Variants in MBNL2 observed in about 807,000 individuals in gnomAD.
MBNL2 encodes the protein muscleblind like splicing regulator 2, also known as muscleblind-like protein 2.
Under a neutral mutation model 41.9 loss-of-function variants are expected in MBNL2, and 17 were observed. The ratio of observed to expected loss-of-function variants is 0.41; its 90% CI spans 0.28 to 0.61. MBNL2 has a LOEUF of 0.61. Among genes scored for constraint, MBNL2 ranks in the 20% least tolerant of loss-of-function variants. MBNL2 has a pLI of 0.35. For missense variants in MBNL2, 336 were observed against 505.6 expected, an observed-to-expected ratio of 0.66 and a Z score of 3.22; for synonymous variants, 195 against 182.9, an observed-to-expected ratio of 1.07 and a Z score of -0.53.
At chr13:97,232,890 T>TGTGTGTGTGTGC (rs1491513676) in intron 1 of MBNL2, among the ~76,000 whole-genome samples, 62 of 134,568 alleles carry the variant, frequency 4.6e-4, no homozygotes, top group South Asian at 4.3e-3. Flanking sequence ...TGTGTGTGTG[T>TGTGTGTGTGTGC]GCGCACGTAC....
intron 2 of MBNL2, among the ~76,000 whole-genome samples, chr13:97,284,384 T>C (rs991562617): frequency 5.9e-5 from 9 of 152,178 alleles, no homozygotes; most frequent in Non-Finnish European, 1.5e-5. Flanking sequence ...CTCCAATCTC[T>C]ACCTGCCTCT....
intron 2 of MBNL2, among the ~76,000 whole-genome samples, chr13:97,295,449 A>C (rs971640197): frequency 6.6e-6 from 1 of 152,182 alleles, no homozygotes; most frequent in South Asian, 2.1e-4. Context: ...TTGGTTGCCT[A>C]GCAACCATTA....
At chr13:97,187,593 TAAAAAAAAAAAAAAAA>T in the MBNL2 span, among the ~76,000 whole-genome samples, 10 of 51,492 alleles carry the variant, frequency 1.9e-4, no homozygotes, top group East Asian at 6.0e-4. Flanking sequence ...CTATGCAGCT[TAAAAAAAAAAAAAAAA>T]AAAAAAAAAA....
At chr13:97,249,439 A>G (rs1211628029) in intron 1 of MBNL2, among the ~76,000 whole-genome samples, 1 of 152,196 alleles carries the variant, frequency 6.6e-6, no homozygotes, top group East Asian at 1.9e-4. Context: ...TTGCTTCCTC[A>G]AGGAAAAATA....
At chr13:97,276,591 A>T (rs1456887517) in intron 2 of MBNL2, among the ~76,000 whole-genome samples, 182 bp downstream of exon 2, 1 of 152,178 alleles carries the variant, frequency 6.6e-6, no homozygotes, top group South Asian at 2.1e-4. Flanking sequence ...AATTTTTTAC[A>T]TACCCATGTT....
chr13:97,204,220 G>A, the MBNL2 span, among the ~76,000 whole-genome samples: 7 of 152,174 alleles, frequency 4.6e-5, no homozygotes, highest in South Asian at 1.0e-3. Flanking sequence ...GGATAAGGTC[G>A]TCTTCTCAAC....
intron 2 of MBNL2, among the ~76,000 whole-genome samples, chr13:97,288,246 A>G (rs997405217): frequency 1.3e-5 from 2 of 152,172 alleles, no homozygotes; most frequent in African/African-American, 4.8e-5. Flanking sequence ...CTATCTGTCC[A>G]TACTACTTGG....
rs1306328348 is a variant in MBNL2 at position 97,366,848 on chromosome 13, T to C, written c.1048+1677T>C. 6.6e-6 allele frequency among the ~76,000 whole-genome samples: 1 copy of C among 152,140 alleles called. No individual in the cohort carries two copies. The highest frequency in any genetic ancestry group is 1.5e-5 in the Non-Finnish European group (1 of 68,014). On this transcript the variant is annotated intron_variant, in intron 8 of 8. Coordinates refer to ENST00000679496, the MANE Select transcript of MBNL2 (RefSeq NM_001382683.1). This position sits in a 1 kb window ranked among gnomAD's most constrained non-coding sequence, Gnocchi z 4.7. ...TAGTACAGCATTACCTATCCAGTGG[T>C]TTGTGAATGGCCACATAAAAATTGT...
chr13:97,330,634 AC>A (rs1158248692), intron 2 of MBNL2, among the ~76,000 whole-genome samples: 1 of 152,218 alleles, frequency 6.6e-6, no homozygotes, highest in Non-Finnish European at 1.5e-5. Flanking sequence ...ATACACAAAG[AC>A]GCTTTACGCT....
At chr13:97,188,585 C>A in the MBNL2 span, among the ~76,000 whole-genome samples, 1 of 151,818 alleles carries the variant, frequency 6.6e-6, no homozygotes, top group African/African-American at 2.4e-5. Flanking sequence ...CTGCACGTGT[C>A]TGATGCACGT....
At chr13:97,217,339 A>G (rs940518621), upstream of MBNL2, among the ~76,000 whole-genome samples, 15 of 152,288 alleles carry the variant, frequency 9.8e-5, no homozygotes, top group East Asian at 2.9e-3. Flanking sequence ...GGATAAACTG[A>G]TGAATAGGAA....
the MBNL2 span, among the ~76,000 whole-genome samples, chr13:97,169,090 G>A: frequency 2.0e-5 from 3 of 152,096 alleles, no homozygotes; most frequent in Non-Finnish European, 4.4e-5. Context: ...TTTCAGAAAT[G>A]TACAGGGTGT....
intron 8 of MBNL2, among the ~76,000 whole-genome samples, chr13:97,376,344 A>G (rs2064965304): frequency 1.3e-5 from 2 of 152,046 alleles, no homozygotes; most frequent in South Asian, 4.1e-4. Flanking sequence ...TCTCCCATTG[A>G]CCATAAAAAG....
At position 97,347,121 on chromosome 13, in the gene MBNL2, C is replaced by G; in HGVS notation, c.804+54C>G. The stretch of plus-strand genomic sequence containing the variant: ...CCCCGGCGCCTCTGCGGAGGCCGCT[C>G]CGGGCTGGGACTTGGATGTTCTTCC... On this transcript the variant is annotated intron_variant, in intron 5 of 8. Transcript: ENST00000679496. The G allele has an allele frequency of 2.2e-6, 3 of 1,369,524 alleles. No individual in the cohort carries two copies. The South Asian group carries it at 4.5e-5, about 21-fold the overall frequency. The allele number at this position is 1,369,524 out of a possible 1,614,324, so 84.8% of individuals were successfully genotyped here. A position where few individuals can be genotyped will look rare whatever the true frequency, so the allele number is the denominator to read the frequency against.
At chr13:97,166,622 C>A in the MBNL2 span, among the ~76,000 whole-genome samples, 2 of 152,190 alleles carry the variant, frequency 1.3e-5, no homozygotes, top group South Asian at 2.1e-4. Context: ...AGCCTCTCAG[C>A]CTACACCTTT....
the MBNL2 span, among the ~76,000 whole-genome samples, chr13:97,160,481 A>T: frequency 6.6e-6 from 1 of 152,174 alleles, no homozygotes; most frequent in Non-Finnish European, 1.5e-5. Flanking sequence ...TTTAGTTTGT[A>T]CTTAACTCTT....
chr13:97,175,128 A>C, the MBNL2 span, among the ~76,000 whole-genome samples: 1 of 152,224 alleles, frequency 6.6e-6, no homozygotes, highest in Non-Finnish European at 1.5e-5. Flanking sequence ...CTCTTCCAAC[A>C]GGCAACCTTT....
At chr13:97,280,266 C>T (rs2053094238) in intron 2 of MBNL2, among the ~76,000 whole-genome samples, 1 of 152,100 alleles carries the variant, frequency 6.6e-6, no homozygotes, top group Non-Finnish European at 1.5e-5. Context: ...AACCATTTGG[C>T]AAATTGAACA....
At chr13:97,162,785 T>C in the MBNL2 span, among the ~76,000 whole-genome samples, 2 of 152,366 alleles carry the variant, frequency 1.3e-5, no homozygotes, top group Admixed American at 1.3e-4. Flanking sequence ...TAATGTTTTT[T>C]AGTAATTTAT....
Sources: gnomAD v4.1 joint callset for allele counts (sites outside exome capture counted in the v4.1 genomes callset) on GRCh38, gnomAD v4.1.1 for gene constraint, Gnocchi (gnomAD v3.1) non-coding constraint, MANE v1.5 for transcripts, NCBI Gene and HGNC (gene_info 2026-07-23, HGNC 2026-07-21) for gene names.